Variants in HVCN1 observed in about 807,000 individuals in gnomAD.
HVCN1 encodes the protein voltage-gated hydrogen channel 1.
HVCN1 carries 14 observed loss-of-function variants against 29.2 expected under a neutral mutation model. The ratio of observed to expected loss-of-function variants is 0.48; its 90% confidence interval spans 0.32 to 0.75. The LOEUF is 0.75. HVCN1 is among the 30% of genes least tolerant of loss of function. The pLI, the probability that HVCN1 is intolerant of heterozygous loss-of-function variation, is 0.04. For missense variants in HVCN1, 263 were observed against 341.8 expected (o/e 0.77, Z 1.82); for synonymous variants, 131 against 133.2 (o/e 0.98, Z 0.11).
intron 2 of HVCN1, among the ~76,000 whole-genome samples, chr12:110,695,657 A>AG (rs2069478054): frequency 6.6e-6 from 1 of 152,236 alleles, no homozygotes; most frequent in Non-Finnish European, 1.5e-5. Context: ...ACAGCAGGGA[A>AG]GGGGTCTCTG....
At chr12:110,659,629 T>G (rs1285165616) in intron 4 of HVCN1, among the ~76,000 whole-genome samples, 1 of 152,222 alleles carries the variant, frequency 6.6e-6, no homozygotes, top group Admixed American at 6.5e-5. Context: ...ATCAGAAATG[T>G]CCTTCTAGAC....
chr12:110,663,793 C>A (rs1192481532), intron 3 of HVCN1, among the ~76,000 whole-genome samples: 1 of 152,088 alleles, frequency 6.6e-6, no homozygotes, highest in Admixed American at 6.6e-5. Context: ...TCACTTCTTT[C>A]TTCAAATGCT....
intron 3 of HVCN1, among the ~76,000 whole-genome samples, chr12:110,681,147 G>A (rs1593518467): frequency 6.6e-6 from 1 of 152,160 alleles, no homozygotes; most frequent in East Asian, 1.9e-4. Flanking sequence ...AATCTGGCTG[G>A]GCCTGACAAT....
chr12:110,658,189 C>T lies in HVCN1; in HGVS notation c.307-2851G>A, dbSNP rs1173185729. 6.6e-6 allele frequency among the ~76,000 whole-genome samples: 1 copy of T among 152,240 alleles called. No individual in the cohort carries two copies. The highest frequency in any genetic ancestry group is 1.9e-4 in the East Asian group (1 of 5,188). On this transcript the variant is annotated intron_variant, in intron 4 of 7. Coordinates refer to ENST00000242607, the MANE Select transcript of HVCN1 (RefSeq NM_032369.4). The surrounding 1 kb of genome is among the most constrained non-coding windows in gnomAD (Gnocchi z 5.0). ...CCCTGTATTCTCTCCCTTGGTTGTG[C>T]CATCCCATGTAAGAAGGGACCTCAA...
At chr12:110,652,231 T>TA (rs2067837426) in intron 5 of HVCN1, among the ~76,000 whole-genome samples, 1 of 152,090 alleles carries the variant, frequency 6.6e-6, no homozygotes, top group African/African-American at 2.4e-5. Context: ...CTGTCTGTAC[T>TA]AAAAAAATAC....
intron 2 of HVCN1, among the ~76,000 whole-genome samples, chr12:110,686,344 C>A (rs114361803): frequency 1.3e-5 from 2 of 152,046 alleles, no homozygotes; most frequent in Non-Finnish European, 2.9e-5. Flanking sequence ...TTCAAGAAAA[C>A]TTTAAAGAGG....
chr12:110,658,383 T>C lies in HVCN1; in HGVS notation c.306+2781A>G, dbSNP rs2068056717. On this transcript the variant is annotated intron_variant, in intron 4 of 7. Transcript: ENST00000242607. The surrounding 1 kb of genome is among the most constrained non-coding windows in gnomAD (Gnocchi z 5.0). ...ACCAAGTCCCTCCACAAATCTGATC[T>C]CCCACCCACACACTTAGAGCTTTCA... Among the ~76,000 whole-genome samples, 1 of 151,902 alleles carries C rather than the reference T, an allele frequency of 6.6e-6. No individual in the cohort carries two copies. The highest frequency in any genetic ancestry group is 1.5e-5 in the Non-Finnish European group (1 of 67,954).
chr12:110,691,220 G>A (rs182537433), upstream of HVCN1, among the ~76,000 whole-genome samples: 1,041 of 152,024 alleles, frequency 6.8e-3, 12 homozygotes, highest in African/African-American at 0.024. Context: ...CCGCCACCAC[G>A]CTCGGTTAAA....
intron 2 of HVCN1, among the ~76,000 whole-genome samples, chr12:110,698,559 C>T (rs373035206): frequency 2.0e-5 from 3 of 152,190 alleles, no homozygotes; most frequent in Admixed American, 6.5e-5. Context: ...TCTCCACCAC[C>T]GGAGTCTACA....
chr12:110,695,315 T>G (rs1478979114), intron 2 of HVCN1, among the ~76,000 whole-genome samples: 1 of 149,834 alleles, frequency 6.7e-6, no homozygotes, highest in Non-Finnish European at 1.5e-5. Flanking sequence ...AACATTTCTA[T>G]AATTATAATT....
At chr12:110,691,995 G>A (rs1314602931), upstream of HVCN1, among the ~76,000 whole-genome samples, 1 of 152,178 alleles carries the variant, frequency 6.6e-6, no homozygotes, top group Non-Finnish European at 1.5e-5. Context: ...CAGCATTGTC[G>A]TGTTTACTGA....
rs1014373003 is a variant in HVCN1, at chr12:110,661,975, A to G, written c.22-527T>C. 2.0e-5 allele frequency among the ~76,000 whole-genome samples: 3 copies of G among 152,270 alleles called. No homozygotes were observed. The highest frequency in any genetic ancestry group is 7.2e-5 in the African/African-American group (3 of 41,468). ...GCTATTCACACGGACAGTTGTTTAA[A>G]GCAAAAGCAAATATCCCTGTGCCCT... On this transcript the variant is annotated intron_variant, in intron 3 of 7. Coordinates refer to ENST00000242607, the MANE Select transcript of HVCN1 (RefSeq NM_032369.4). This position sits in a 1 kb window ranked among gnomAD's most constrained non-coding sequence, Gnocchi z 6.2.
At chr12:110,685,951 G>C (rs530667948) in intron 2 of HVCN1, among the ~76,000 whole-genome samples, 1 of 151,926 alleles carries the variant, frequency 6.6e-6, no homozygotes, top group African/African-American at 2.4e-5. Context: ...CATGGTGTTA[G>C]TATAATAGGC....
intron 2 of HVCN1, among the ~76,000 whole-genome samples, chr12:110,696,095 GGA>G (rs2069485506): frequency 6.6e-6 from 1 of 151,804 alleles, no homozygotes; most frequent in African/African-American, 2.4e-5. Flanking sequence ...TGGGATTACA[GGA>G]GCCCGCCACC....
upstream of HVCN1, among the ~76,000 whole-genome samples, chr12:110,693,158 T>G (rs1193032916): frequency 1.3e-5 from 2 of 152,134 alleles, no homozygotes; most frequent in Non-Finnish European, 2.9e-5. Flanking sequence ...TTTTTTAAAT[T>G]GGGATAATAG....
intron 3 of HVCN1, among the ~76,000 whole-genome samples, chr12:110,680,126 A>T (rs56327628): frequency 3.9e-5 from 6 of 152,148 alleles, no homozygotes; most frequent in East Asian, 3.8e-4. Context: ...GATCATGAAA[A>T]GGAACATGTT....
At chr12:110,655,083 A>G (rs1436590984) in intron 5 of HVCN1, 151 bp downstream of exon 5, 1 of 574,512 alleles carries the variant, frequency 1.7e-6, no homozygotes, top group Non-Finnish European at 3.3e-6. Context: ...GCTAATCCAT[A>G]TTCTGGAAAG....
chr12:110,696,946 A>G (rs948718658), intron 2 of HVCN1, among the ~76,000 whole-genome samples: 2 of 152,076 alleles, frequency 1.3e-5, no homozygotes, highest in African/African-American at 4.8e-5. Flanking sequence ...GGCTTGGACA[A>G]GTCGGTTGGG....
intron 6 of HVCN1, among the ~76,000 whole-genome samples, chr12:110,650,852 C>A (rs1037179147): frequency 6.6e-6 from 1 of 152,034 alleles, no homozygotes; most frequent in Non-Finnish European, 1.5e-5. Flanking sequence ...CACCACCACA[C>A]CCAACTGATG....
Sources: allele counts gnomAD v4.1 joint callset (sites outside exome capture counted in the v4.1 genomes callset), GRCh38; gene constraint gnomAD v4.1.1; non-coding constraint Gnocchi (gnomAD v3.1); transcripts MANE v1.5; gene names NCBI Gene and HGNC (gene_info 2026-07-23, HGNC 2026-07-21).